EPC1: variants seen among roughly 807,000 people sequenced by gnomAD.
EPC1 encodes the protein enhancer of polycomb 1.
In EPC1, 12 loss-of-function variants were observed where a neutral mutation model predicts 98.4. That is an observed-to-expected ratio of 0.12 (90% CI 0.08 to 0.20). The LOEUF is 0.20. Among genes scored for constraint, EPC1 ranks in the 10% least tolerant of loss-of-function variants. EPC1 has a pLI of 1.00. For missense variants in EPC1, 729 were observed against 990.5 expected, an observed-to-expected ratio of 0.74 and a Z score of 3.54; for synonymous variants, 357 against 363.9, an observed-to-expected ratio of 0.98 and a Z score of 0.21.
At chr10:32,336,934 C>T (rs1838011758) in intron 1 of EPC1, among the ~76,000 whole-genome samples, 1 of 152,146 alleles carries the variant, frequency 6.6e-6, no homozygotes, top group Non-Finnish European at 1.5e-5. Context: ...GTAGCTTTAA[C>T]ATTTTAATCT....
chr10:32,358,665 A>C (rs1481455846), intron 1 of EPC1, among the ~76,000 whole-genome samples: 2 of 149,782 alleles, frequency 1.3e-5, no homozygotes, highest in African/African-American at 4.9e-5. Flanking sequence ...CGGGGGGGGA[A>C]GAAAGTGGGT....
intron 10 of EPC1, chr10:32,284,070 T>C (rs973087388): frequency 1.3e-5 from 2 of 152,222 alleles, no homozygotes; most frequent in Middle Eastern, 3.2e-3. Context: ...ATATATAGGC[T>C]TCAAATAACA....
chr10:32,343,152 TAA>T (rs1838480919), intron 1 of EPC1, among the ~76,000 whole-genome samples: 2 of 152,182 alleles, frequency 1.3e-5, no homozygotes, highest in Admixed American at 1.3e-4. Context: ...CGCTGTGATT[TAA>T]GTCACATCTG....
In EPC1 at chr10:32,285,055, TA is replaced by T; in HGVS notation, c.1392-6del. On this transcript the variant is annotated splice_polypyrimidine_tract_variant and splice_region_variant and intron_variant, in intron 9 of 13. Transcript: ENST00000319778. ...TGAGCTCTGTCCAGTAAGACCCTAT[TA>T]AAAAATCAGACAAGAAACAGTTATT... The T allele has an allele frequency of 1.9e-6, 3 of 1,593,024 alleles. No individual in the cohort carries two copies. The highest frequency in any genetic ancestry group is 2.6e-6 in the Non-Finnish European group (3 of 1,167,892).
At chr10:32,351,679 C>T (rs1010189815), upstream of EPC1, among the ~76,000 whole-genome samples, 13 of 151,486 alleles carry the variant, frequency 8.6e-5, no homozygotes, top group African/African-American at 2.7e-4. Context: ...AAAAAATCAG[C>T]GTGTCTTTCC....
intron 1 of EPC1, among the ~76,000 whole-genome samples, chr10:32,342,318 T>G (rs912000920): frequency 3.9e-5 from 6 of 152,242 alleles, no homozygotes; most frequent in Non-Finnish European, 7.3e-5. Context: ...AGAAAGAGAC[T>G]GTTGGTTTCT....
intron 1 of EPC1, among the ~76,000 whole-genome samples, chr10:32,346,066 C>T (rs1239817179): frequency 2.0e-5 from 3 of 152,172 alleles, no homozygotes; most frequent in Admixed American, 1.3e-4. Context: ...ATACAAACGT[C>T]CCAGAAAGAG....
At chr10:32,353,250 AAG>A (rs1302935202) in intron 1 of EPC1, among the ~76,000 whole-genome samples, 4 of 152,116 alleles carry the variant, frequency 2.6e-5, no homozygotes, top group South Asian at 4.1e-4. Flanking sequence ...GAATCGAAGA[AAG>A]AGATGTTTAA....
At chr10:32,365,263 T>C (rs1331141955) in intron 1 of EPC1, among the ~76,000 whole-genome samples, 2 of 152,156 alleles carry the variant, frequency 1.3e-5, no homozygotes, top group Admixed American at 1.3e-4. Context: ...TAAAACTAGA[T>C]AACAAGGACT....
At chr10:32,320,250 T>C (rs1204661829) in intron 1 of EPC1, among the ~76,000 whole-genome samples, 1 of 152,100 alleles carries the variant, frequency 6.6e-6, no homozygotes, top group Admixed American at 6.5e-5. Context: ...AAGTACAATC[T>C]GTACAAGAGA....
intron 1 of EPC1, 52 bp downstream of exon 1, chr10:32,346,711 C>T: frequency 6.4e-7 from 1 of 1,558,246 alleles, no homozygotes; most frequent in Non-Finnish European, 8.8e-7. Flanking sequence ...CCGCCGCAGG[C>T]AGCAGAGGGA....
chr10:32,364,001 C>CCTTTTTTTTTTTTTTTTTTTTTTTTTTTT lies in EPC1; in HGVS notation c.3+14489_3+14490insAAAAAAAAAAAAAAAAAAAAAAAAAAAAG, dbSNP rs770520611. Among the ~76,000 whole-genome samples the CCTTTTTTTTTTTTTTTTTTTTTTTTTTTT allele has an allele frequency of 4.4e-4, 27 of 61,840 alleles. 13 individuals carry two copies. The highest frequency in any genetic ancestry group is 5.1e-4 in the African/African-American group (9 of 17,482). The allele number at this position is 61,840 out of a possible 152,430, so 40.6% of individuals were successfully genotyped here. ...AATAGTATCGTGTCCATCATGTTGG[C>CCTTTTTTTTTTTTTTTTTTTTTTTTTTTT]ATTTTTTTTTTTTTTTTTTTTTTTT... is the stretch of plus-strand genomic sequence containing the variant. On this transcript the variant is annotated intron_variant, in intron 1 of 13. Coordinates refer to the EPC1 transcript ENST00000375110.
At chr10:32,334,542 C>T (rs1837840654) in intron 1 of EPC1, among the ~76,000 whole-genome samples, 1 of 151,646 alleles carries the variant, frequency 6.6e-6, no homozygotes, top group African/African-American at 2.4e-5. Context: ...AAGTGACTTT[C>T]GAACAATAAG....
chr10:32,293,406 A>T (rs997197322), intron 3 of EPC1, among the ~76,000 whole-genome samples, 186 bp downstream of exon 3: 1 of 148,682 alleles, frequency 6.7e-6, no homozygotes, highest in African/African-American at 2.6e-5. Context: ...CAAGGCACAG[A>T]AAAATTTAAA....
chr10:32,326,452 G>A (rs1219116547), intron 1 of EPC1, among the ~76,000 whole-genome samples: 1 of 152,078 alleles, frequency 6.6e-6, no homozygotes, highest in Non-Finnish European at 1.5e-5. Context: ...TCCAAAATGT[G>A]ACAAGAATAA....
chr10:32,292,519 T>C lies in EPC1; in HGVS notation c.792A>G (p.Leu264=), dbSNP rs1378297242. The change falls in exon 5 of 14, where the codon TTA becomes TTG. Residue 264 remains leucine (L), a synonymous_variant. Transcript: ENST00000319778. ...REKSKRELLH[L]TLEIMEKRYN... The stretch of plus-strand genomic sequence containing the variant: ...ACCTCTTTTCCATAATTTCCAGTGT[T>C]AAGTGCAATAGCTCTCTTTTACTTT... 1.9e-6 allele frequency: 3 copies of C among 1,587,602 alleles called. No individual in the cohort carries two copies. Among genetic ancestry groups the C allele is most frequent in the Non-Finnish European group, 2.6e-6 (3 of 1,167,668 alleles).
chr10:32,346,531 AC>A (rs1838827338), intron 1 of EPC1: 4 of 526,612 alleles, frequency 7.6e-6, no homozygotes, highest in Non-Finnish European at 6.8e-6. Context: ...ACTCCGCGGG[AC>A]CCGGGTACAA....
At chr10:32,326,532 C>A (rs1214728296) in intron 1 of EPC1, among the ~76,000 whole-genome samples, 2 of 152,064 alleles carry the variant, frequency 1.3e-5, no homozygotes, top group Admixed American at 1.3e-4. Context: ...ATATCCTAGT[C>A]CATCCTAACA....
chr10:32,340,116 G>C (rs954668230), intron 1 of EPC1, among the ~76,000 whole-genome samples: 2 of 152,106 alleles, frequency 1.3e-5, no homozygotes, highest in Non-Finnish European at 2.9e-5. Flanking sequence ...CAACCAAAAC[G>C]ATTTGCTTAA....
Sources: allele counts gnomAD v4.1 joint callset (sites outside exome capture counted in the v4.1 genomes callset), GRCh38; gene constraint gnomAD v4.1.1; transcripts MANE v1.5; gene names NCBI Gene and HGNC (gene_info 2026-07-23, HGNC 2026-07-21).